The following IL1RAPL1 variants were observed in gnomAD, a reference collection of about 807,000 sequenced individuals.
The protein encoded by IL1RAPL1 is interleukin-1 receptor accessory protein-like 1.
IL1RAPL1 carries 3 observed loss-of-function variants against 48.4 expected under a neutral mutation model. The observed-to-expected ratio is 0.06, with a 90% CI of 0.03 to 0.16. The LOEUF (loss-of-function observed/expected upper bound fraction) is 0.16, where lower values mean the gene tolerates loss of function less well. Ranked by LOEUF, IL1RAPL1 falls within the 10% of genes least tolerant of loss-of-function variation. The pLI, the probability that IL1RAPL1 is intolerant of heterozygous loss-of-function variation, is 1.00. For synonymous variants in IL1RAPL1, 185 were observed against 187.7 expected (o/e 0.99, Z 0.12); for missense variants, 349 against 530.6 (o/e 0.66, Z 3.36).
chrX:29,084,731 G>T (rs189774090), intron 2 of IL1RAPL1, among the ~76,000 whole-genome samples: 1 of 112,246 alleles, frequency 8.9e-6, no homozygotes, highest in Non-Finnish European at 1.9e-5. Context: ...CAGTCTTGTC[G>T]CCCAGGCTGG....
intron 5 of IL1RAPL1, among the ~76,000 whole-genome samples, chrX:29,400,116 T>C (rs1314052631): frequency 2.7e-5 from 3 of 111,946 alleles, no homozygotes; most frequent in African/African-American, 9.8e-5. Context: ...TGAGATGTGA[T>C]GCATAGAGTC....
chrX:29,842,417 G>A (rs941175654), intron 6 of IL1RAPL1, among the ~76,000 whole-genome samples: 1 of 111,824 alleles, frequency 8.9e-6, no homozygotes, highest in Non-Finnish European at 1.9e-5. Context: ...GAAAGGGCTC[G>A]GATGTGTGGA....
intron 2 of IL1RAPL1, among the ~76,000 whole-genome samples, chrX:29,049,463 A>G (rs930345759): frequency 8.9e-6 from 1 of 112,151 alleles, no homozygotes; most frequent in Non-Finnish European, 1.9e-5. Flanking sequence ...AAGGAGGGTG[A>G]GGTAAGAAGA....
chrX:29,855,660 C>T (rs1332272135), intron 6 of IL1RAPL1, among the ~76,000 whole-genome samples: 2 of 110,641 alleles, frequency 1.8e-5, no homozygotes, highest in African/African-American at 6.6e-5. Flanking sequence ...GCACGAGTGG[C>T]AGAGGTAGGG....
rs111331974 is a variant in IL1RAPL1 at position 28,952,736 on chromosome X, A to G, written c.82+163311A>G. On this transcript the variant is annotated intron_variant, in intron 2 of 10. Coordinates refer to ENST00000378993, the MANE Select transcript of IL1RAPL1 (RefSeq NM_014271.4). ...AGAAAGGAAAAGTGTTTTTATGGAA[A>G]TATGTAGTGTTTAACATCCTTAGAA... 1.8e-3 allele frequency among the ~76,000 whole-genome samples: 196 copies of G among 111,510 alleles called. 1 individual carries two copies. The highest frequency in any genetic ancestry group is 9.5e-3 in the Middle Eastern group (2 of 211).
At chrX:29,931,519 A>G (rs1932948666) in intron 8 of IL1RAPL1, among the ~76,000 whole-genome samples, 1 of 112,143 alleles carries the variant, frequency 8.9e-6, no homozygotes, top group South Asian at 3.7e-4. Flanking sequence ...TAAAATAATA[A>G]CATAAAATTC....
At chrX:29,850,209 G>C (rs968054684) in intron 6 of IL1RAPL1, among the ~76,000 whole-genome samples, 7 of 111,887 alleles carry the variant, frequency 6.3e-5, no homozygotes, top group African/African-American at 2.3e-4. Flanking sequence ...CTTCCTTTCT[G>C]CCCACCATCT....
At chrX:29,901,829 A>G (rs1391093014) in intron 6 of IL1RAPL1, among the ~76,000 whole-genome samples, 1 of 112,516 alleles carries the variant, frequency 8.9e-6, no homozygotes, top group Non-Finnish European at 1.9e-5. Context: ...ATGTAATTAA[A>G]AGAGCAGAAA....
chrX:29,761,891 C>T (rs1451900930), intron 6 of IL1RAPL1, among the ~76,000 whole-genome samples: 2 of 111,854 alleles, frequency 1.8e-5, no homozygotes, highest in Non-Finnish European at 3.8e-5. Flanking sequence ...ATGTCCTCAA[C>T]TGTATGTCTC....
At chrX:28,819,999 T>C (rs866708216) in intron 2 of IL1RAPL1, among the ~76,000 whole-genome samples, 8 of 82,828 alleles carry the variant, frequency 9.7e-5, no homozygotes, top group African/African-American at 2.3e-4. Context: ...TATATATATA[T>C]ATATATATAT....
chrX:29,126,806 T>A (rs147303383), intron 2 of IL1RAPL1, among the ~76,000 whole-genome samples: 1,361 of 112,130 alleles, frequency 0.012, 26 homozygotes, highest in African/African-American at 0.042. Flanking sequence ...TATATTTTTA[T>A]AGTACCTCAG....
chrX:29,252,335 T>G (rs1024188898), intron 2 of IL1RAPL1, among the ~76,000 whole-genome samples: 1 of 113,490 alleles, frequency 8.8e-6, no homozygotes, highest in Non-Finnish European at 1.9e-5. Flanking sequence ...GCAAATATAG[T>G]GTAGAGAAAG....
chrX:29,335,462 A>G (rs1010774819), intron 3 of IL1RAPL1, among the ~76,000 whole-genome samples: 112 of 109,464 alleles, frequency 1.0e-3, no homozygotes, highest in Non-Finnish European at 1.1e-3. Context: ...CAGGTACTCA[A>G]CTAATATTGA....
chrX:28,875,771 A>G (rs1426767389), intron 2 of IL1RAPL1, among the ~76,000 whole-genome samples: 1 of 111,785 alleles, frequency 8.9e-6, no homozygotes, highest in Non-Finnish European at 1.9e-5. Flanking sequence ...ACCCAATTTT[A>G]TTGATGATCA....
At chrX:29,432,417 TTTGA>T (rs1460501863) in intron 5 of IL1RAPL1, among the ~76,000 whole-genome samples, 3 of 111,363 alleles carry the variant, frequency 2.7e-5, no homozygotes, top group Non-Finnish European at 3.8e-5. Context: ...GGAGCCTAAC[TTTGA>T]TAGATAAGTG....
At chrX:28,647,901 T>C (rs900005113) in intron 1 of IL1RAPL1, among the ~76,000 whole-genome samples, 5 of 112,123 alleles carry the variant, frequency 4.5e-5, no homozygotes, top group East Asian at 5.6e-4. Context: ...TTATGCTTCA[T>C]AGGTATTTAA....
intron 1 of IL1RAPL1, among the ~76,000 whole-genome samples, chrX:28,710,960 G>A (rs1467289172): frequency 1.8e-5 from 2 of 111,588 alleles, no homozygotes; most frequent in East Asian, 2.8e-4. Flanking sequence ...TGGCTTCCAC[G>A]TGGAGTGAAA....
At chrX:29,695,330 T>G (rs1391074445) in intron 6 of IL1RAPL1, among the ~76,000 whole-genome samples, 1 of 111,874 alleles carries the variant, frequency 8.9e-6, no homozygotes, top group Admixed American at 9.5e-5. Flanking sequence ...AGTGATATGC[T>G]AACAACAACT....
intron 2 of IL1RAPL1, among the ~76,000 whole-genome samples, chrX:29,165,546 T>G (rs1008416731): frequency 2.0e-4 from 22 of 111,480 alleles, no homozygotes; most frequent in East Asian, 2.8e-4. Context: ...ATCACAGATA[T>G]GAGCAGAGCC....
Sources: gnomAD v4.1 joint callset for allele counts (sites outside exome capture counted in the v4.1 genomes callset) on GRCh38, gnomAD v4.1.1 for gene constraint, MANE v1.5 for transcripts, NCBI Gene and HGNC (gene_info 2026-07-23, HGNC 2026-07-21) for gene names.